MAGT1: variants seen among roughly 807,000 people sequenced by gnomAD.
MAGT1 encodes the protein dolichyl-diphosphooligosaccharide--protein glycosyltransferase subunit MAGT1.
A neutral mutation model predicts 28.4 loss-of-function variants in MAGT1; 4 were observed. That is an observed-to-expected ratio of 0.14 (90% confidence interval 0.07 to 0.32). The LOEUF is 0.32. MAGT1 is among the 10% of genes least tolerant of loss of function. The pLI is 1.00. For synonymous variants in MAGT1, 89 were observed against 89.7 expected (o/e 0.99, Z 0.04); for missense variants, 193 against 264.5 (o/e 0.73, Z 1.88).
intron 8 of MAGT1, among the ~76,000 whole-genome samples, chrX:77,834,284 A>C (rs1480801960): frequency 1.0e-5 from 1 of 100,161 alleles, no homozygotes; most frequent in African/African-American, 3.6e-5. Flanking sequence ...ATATGTATAT[A>C]TATGCATATA....
intron 1 of MAGT1, among the ~76,000 whole-genome samples, chrX:77,889,454 C>T (rs916501402): frequency 9.4e-6 from 1 of 105,844 alleles, no homozygotes; most frequent in African/African-American, 3.5e-5. Context: ...TCACTGCAAG[C>T]TCTGCCTCCC....
intron 1 of MAGT1, among the ~76,000 whole-genome samples, chrX:77,890,280 T>C (rs1241645243): frequency 3.6e-5 from 4 of 112,281 alleles, no homozygotes; most frequent in African/African-American, 1.3e-4. Context: ...AAGGTATACA[T>C]TTCCAACTCC....
chrX:77,889,730 T>G (rs868946475), intron 1 of MAGT1, among the ~76,000 whole-genome samples: 2 of 111,445 alleles, frequency 1.8e-5, no homozygotes, highest in Middle Eastern at 4.6e-3. Flanking sequence ...CAATGTGCAC[T>G]CATCACATCA....
At chrX:77,834,170 ATATATATATGCATATATG>A (rs1276765953) in intron 8 of MAGT1, among the ~76,000 whole-genome samples, 35 of 101,661 alleles carry the variant, frequency 3.4e-4, no homozygotes, top group Admixed American at 1.2e-3. Context: ...TACACCATAT[ATATATATATGCATATATG>A]TATATATATG....
Position 77,826,729 on chromosome X carries a change from G to T in MAGT1, c.*2491C>A, listed in dbSNP as rs1273176810. 1 of 112,062 alleles carries T rather than the reference G, an allele frequency of 8.9e-6. No individual in the cohort carries two copies. Among genetic ancestry groups the T allele is most frequent in the Non-Finnish European group, 1.9e-5 (1 of 53,217 alleles). 9.2% of individuals were successfully genotyped at this position (112,062 alleles called of 1,213,427 possible). ...TATCTGGAACTATACAGATTACATG[G>T]CAGTAGTATTCCCGTGGTCAATCTG... On this transcript the variant is annotated 3_prime_UTR_variant, in exon 10 of 10. Transcript: ENST00000618282.
intron 7 of MAGT1, 140 bp from the exon 8 acceptor site, chrX:77,841,460 T>C: frequency 2.1e-6 from 1 of 476,869 alleles, no homozygotes. Flanking sequence ...ATAAGGAATC[T>C]TGTATCTATA....
chrX:77,837,613 A>G (rs1201470102), intron 8 of MAGT1, among the ~76,000 whole-genome samples: 1 of 111,495 alleles, frequency 9.0e-6, no homozygotes, highest in African/African-American at 3.3e-5. Context: ...AGCTAAAAAA[A>G]ATCTATTTTA....
Position 77,853,396 on chromosome X carries a change from T to G in MAGT1, c.826+505A>C, listed in dbSNP as rs1206236960. ...TCAATTTACACGTATAATTTCTAAGTAGCCTCAATTTACAACCAAGGTATA... is the reference window on the plus strand; with the variant it reads ...TCAATTTACACGTATAATTTCTAAGGAGCCTCAATTTACAACCAAGGTATA... On this transcript the variant is annotated intron_variant, in intron 7 of 9. Transcript: ENST00000618282. Among the ~76,000 whole-genome samples the G allele has an allele frequency of 3.6e-5, 4 of 112,151 alleles. No individual in the cohort carries two copies. In the Admixed American group the frequency reaches 3.8e-4, roughly 11 times the overall value.
chrX:77,855,592 T>C lies in MAGT1; in HGVS notation c.673-2A>G. On this transcript the variant is annotated splice_acceptor_variant, in intron 5 of 9. Transcript: ENST00000618282. LOFTEE classifies it high-confidence loss of function. ...AGATGTCATAGCAAGCACAAAACAC[T>C]AGGAAACAAAAAAATAATAAAATAT... is the stretch of plus-strand genomic sequence containing the variant. The C allele has an allele frequency of 8.5e-7, 1 of 1,174,274 alleles. No individual in the cohort carries two copies. Among genetic ancestry groups the C allele is most frequent in the East Asian group, 3.0e-5 (1 of 33,587 alleles).
intron 1 of MAGT1, among the ~76,000 whole-genome samples, chrX:77,878,303 A>G (rs1429465158): frequency 1.2e-4 from 12 of 100,018 alleles, no homozygotes; most frequent in Non-Finnish European, 2.2e-4. Flanking sequence ...AAAAAAAAAA[A>G]AAAAAAAAAG....
chrX:77,874,352 C>G (rs2149024669), intron 2 of MAGT1, among the ~76,000 whole-genome samples: 1 of 105,586 alleles, frequency 9.5e-6, no homozygotes, highest in East Asian at 3.0e-4. Flanking sequence ...AATCCCAGCA[C>G]TTTGGGAGGC....
At chrX:77,890,153 T>C (rs1432292325) in intron 1 of MAGT1, among the ~76,000 whole-genome samples, 1 of 112,722 alleles carries the variant, frequency 8.9e-6, no homozygotes, top group Non-Finnish European at 1.9e-5. Context: ...AACTTATTCG[T>C]GTCTTTGTTC....
At chrX:77,877,295 C>G (rs2149026211) in intron 1 of MAGT1, among the ~76,000 whole-genome samples, 1 of 108,771 alleles carries the variant, frequency 9.2e-6, no homozygotes, top group East Asian at 2.9e-4. Flanking sequence ...AGTTTGAGAC[C>G]AGCCTGGCCA....
chrX:77,874,799 C>A (rs2077028839), intron 2 of MAGT1, among the ~76,000 whole-genome samples: 2 of 108,259 alleles, frequency 1.8e-5, no homozygotes, highest in South Asian at 7.8e-4. Context: ...AAAGCACTTA[C>A]AAATAATAAA....
chrX:77,842,296 AAG>A (rs2149012879), intron 7 of MAGT1, among the ~76,000 whole-genome samples: 1 of 109,643 alleles, frequency 9.1e-6, no homozygotes, highest in East Asian at 2.9e-4. Flanking sequence ...TGGGAGGCTG[AAG>A]TAGGAGGATC....
intron 9 of MAGT1, among the ~76,000 whole-genome samples, chrX:77,829,602 C>T (rs1443834964): frequency 1.8e-5 from 2 of 110,963 alleles, no homozygotes; most frequent in African/African-American, 6.6e-5. Flanking sequence ...CATGACACTG[C>T]TATTGAATCA....
intron 1 of MAGT1, among the ~76,000 whole-genome samples, chrX:77,887,168 C>T (rs1285890449): frequency 9.0e-6 from 1 of 111,504 alleles, no homozygotes; most frequent in East Asian, 2.8e-4. Context: ...ATTGTTAGCT[C>T]ACTGCAGCCT....
At chrX:77,846,914 C>T (rs1025026950) in intron 7 of MAGT1, among the ~76,000 whole-genome samples, 31 of 112,003 alleles carry the variant, frequency 2.8e-4, no homozygotes, top group Non-Finnish European at 3.9e-4. Context: ...TGTCCGTTCT[C>T]AGATCTCAAG....
intron 5 of MAGT1, 62 bp downstream of exon 5, chrX:77,856,671 C>G: frequency 9.4e-7 from 1 of 1,068,545 alleles, no homozygotes; most frequent in Non-Finnish European, 1.3e-6. Context: ...TAAAAGCTTA[C>G]CTAAAAATAC....
Sources: gnomAD v4.1 joint callset for allele counts (sites outside exome capture counted in the v4.1 genomes callset) on GRCh38, gnomAD v4.1.1 for gene constraint, MANE v1.5 for transcripts, NCBI Gene and HGNC (gene_info 2026-07-23, HGNC 2026-07-21) for gene names.